Variants in MACROH2A2 observed in about 807,000 individuals in gnomAD.
MACROH2A2 encodes core histone macro-H2A.2.
In MACROH2A2, 6 loss-of-function variants were observed where a neutral mutation model predicts 37.6. The ratio of observed to expected loss-of-function variants is 0.16; its 90% CI spans 0.09 to 0.32. The LOEUF is 0.32. MACROH2A2 is among the 10% of genes least tolerant of loss of function. MACROH2A2 has a pLI of 1.00. For missense variants in MACROH2A2, 290 were observed against 485.9 expected, an observed-to-expected ratio of 0.60 and a Z score of 3.79; for synonymous variants, 192 against 202.7, an observed-to-expected ratio of 0.95 and a Z score of 0.45.
intron 8 of MACROH2A2, among the ~76,000 whole-genome samples, chr10:70,111,151 C>T (rs1357970140): frequency 6.6e-6 from 1 of 152,044 alleles, no homozygotes; most frequent in Non-Finnish European, 1.5e-5. Flanking sequence ...CACTTGTAGT[C>T]CCAGCTGCTT....
intron 1 of MACROH2A2, among the ~76,000 whole-genome samples, chr10:70,059,558 A>G (rs979384495): frequency 2.6e-5 from 4 of 151,932 alleles, no homozygotes; most frequent in Non-Finnish European, 4.4e-5. Flanking sequence ...TTTAGTAGAG[A>G]CAGAGTTTCA....
In MACROH2A2 at chr10:70,108,504, G is replaced by A. The variant is rs545844312; in HGVS notation, c.779-529G>A. On this transcript the variant is annotated intron_variant, in intron 7 of 8. Transcript: ENST00000373255. ...CCAATCTCTGTCTCCTTCATCCCAC[G>A]GCCTTCTCCTGCCTTTGACCTTCTT... Among the ~76,000 whole-genome samples the A allele has an allele frequency of 3.0e-3, 452 of 152,190 alleles. 4 individuals carry two copies. The highest frequency in any genetic ancestry group is 5.0e-3 in the Non-Finnish European group (337 of 68,014).
In MACROH2A2 at chr10:70,109,705, C is replaced by T. The variant is rs543551212; in HGVS notation, c.953+498C>T. 2.6e-5 allele frequency among the ~76,000 whole-genome samples: 4 copies of T among 152,312 alleles called. No individual in the cohort carries two copies. The East Asian group carries it at 5.8e-4, about 22-fold the overall frequency. Reference sequence around the variant, plus strand: ...TGGCTCCAGAATCCCCAGAGAATTCCGTTGCTGCTCTGGGAGACTGCAGAG... The same window carrying T: ...TGGCTCCAGAATCCCCAGAGAATTCTGTTGCTGCTCTGGGAGACTGCAGAG... On this transcript the variant is annotated intron_variant, in intron 8 of 8. Coordinates refer to ENST00000373255, the MANE Select transcript of MACROH2A2 (RefSeq NM_018649.3).
At chr10:70,087,966 G>T (rs16927250) in intron 2 of MACROH2A2, among the ~76,000 whole-genome samples, 1 of 152,124 alleles carries the variant, frequency 6.6e-6, no homozygotes, top group East Asian at 1.9e-4. Flanking sequence ...TGTGATTGCC[G>T]TAGATTTTAT....
intron 7 of MACROH2A2, among the ~76,000 whole-genome samples, chr10:70,105,499 G>A (rs915499875): frequency 6.6e-6 from 1 of 152,204 alleles, no homozygotes; most frequent in African/African-American, 2.4e-5. Context: ...CCACTGGCTG[G>A]AGGACGACTG....
intron 2 of MACROH2A2, among the ~76,000 whole-genome samples, chr10:70,086,562 T>TGAAGACTCCAAATATGTAGTGCTTCCC (rs1465196892): frequency 2.0e-5 from 3 of 152,210 alleles, no homozygotes; most frequent in African/African-American, 7.2e-5. Flanking sequence ...ATGGGCTTCC[T>TGAAGACTCCAAATATGTAGTGCTTCCC]GAAGACTCCA....
intron 5 of MACROH2A2, among the ~76,000 whole-genome samples, chr10:70,094,522 A>G (rs2072263345): frequency 6.6e-6 from 1 of 152,256 alleles, no homozygotes; most frequent in Admixed American, 6.5e-5. Context: ...TGGTAGCTGA[A>G]TGTTTCCATC....
At chr10:70,071,916 A>C (rs984782063) in intron 1 of MACROH2A2, among the ~76,000 whole-genome samples, 13 of 152,230 alleles carry the variant, frequency 8.5e-5, no homozygotes, top group African/African-American at 3.1e-4. Context: ...GGCCCGGGAC[A>C]TTATTGTACA....
At chr10:70,098,078 A>G (rs2072285501) in intron 6 of MACROH2A2, 1 of 152,042 alleles carries the variant, frequency 6.6e-6, no homozygotes, top group Non-Finnish European at 1.5e-5. Flanking sequence ...CCATCTCTAC[A>G]AAAAATACAA....
intron 6 of MACROH2A2, chr10:70,099,478 C>T (rs971048307): frequency 1.3e-5 from 2 of 152,194 alleles, no homozygotes; most frequent in Non-Finnish European, 2.9e-5. Context: ...CCTCTGCTGC[C>T]CCAAAGCTGC....
chr10:70,084,606 C>T (rs1184304315), intron 2 of MACROH2A2, among the ~76,000 whole-genome samples: 3 of 152,058 alleles, frequency 2.0e-5, no homozygotes, highest in Non-Finnish European at 4.4e-5. Context: ...ATTGTCTTTT[C>T]TTTCTTTTTT....
At chr10:70,104,503 C>G (rs1321305352) in intron 7 of MACROH2A2, among the ~76,000 whole-genome samples, 2 of 152,090 alleles carry the variant, frequency 1.3e-5, no homozygotes, top group African/African-American at 4.8e-5. Context: ...ATGGAGAAAC[C>G]CTGTCTAGTA....
At chr10:70,084,921 G>A (rs1001064243) in intron 2 of MACROH2A2, among the ~76,000 whole-genome samples, 8 of 152,116 alleles carry the variant, frequency 5.3e-5, no homozygotes, top group Admixed American at 2.0e-4. Flanking sequence ...TTGCACAAAG[G>A]TACCTATTGG....
chr10:70,064,312 A>G (rs1207764992), intron 1 of MACROH2A2, among the ~76,000 whole-genome samples: 1 of 152,124 alleles, frequency 6.6e-6, no homozygotes, highest in East Asian at 1.9e-4. Context: ...AGAGGTTGCA[A>G]TGAGCCAAGA....
intron 7 of MACROH2A2, among the ~76,000 whole-genome samples, chr10:70,104,851 G>C (rs2072327223): frequency 1.3e-5 from 2 of 152,188 alleles, no homozygotes; most frequent in Non-Finnish European, 2.9e-5. Context: ...CTCAGCTCCA[G>C]GCTGACAGCA....
intron 3 of MACROH2A2, among the ~76,000 whole-genome samples, chr10:70,091,424 C>T (rs1400100522): frequency 6.6e-6 from 1 of 152,138 alleles, no homozygotes; most frequent in Non-Finnish European, 1.5e-5. Context: ...GCCTGTAATC[C>T]CAGCACTTTG....
chr10:70,108,943 C>T, intron 7 of MACROH2A2, 90 bp from the exon 8 acceptor site: 1 of 1,169,110 alleles, frequency 8.6e-7, no homozygotes, highest in South Asian at 1.4e-5. Flanking sequence ...ACTGCCTTAT[C>T]TCCAGATCTA....
At chr10:70,060,887 G>A (rs1375864473) in intron 1 of MACROH2A2, among the ~76,000 whole-genome samples, 1 of 151,732 alleles carries the variant, frequency 6.6e-6, no homozygotes, top group Non-Finnish European at 1.5e-5. Flanking sequence ...GGGAGGCTAA[G>A]TTGGGAGGAC....
At chr10:70,095,828 T>C in intron 6 of MACROH2A2, 75 bp downstream of exon 6, 1 of 745,908 alleles carries the variant, frequency 1.3e-6, no homozygotes, top group Non-Finnish European at 2.4e-6. Flanking sequence ...AAGCTGATCA[T>C]TGTCAACTGG....
Sources: gnomAD v4.1 joint callset for allele counts (sites outside exome capture counted in the v4.1 genomes callset) on GRCh38, gnomAD v4.1.1 for gene constraint, MANE v1.5 for transcripts, NCBI Gene and HGNC (gene_info 2026-07-23, HGNC 2026-07-21) for gene names.